Variants in ATG5 observed in about 807,000 individuals in gnomAD.
ATG5 encodes the protein autophagy protein 5.
ATG5 carries 14 observed loss-of-function variants against 36.5 expected under a neutral mutation model. The ratio of observed to expected loss-of-function variants is 0.38; its 90% CI spans 0.25 to 0.60. The LOEUF is 0.60. Ranked by LOEUF, ATG5 falls within the 20% of genes least tolerant of loss-of-function variation. ATG5 has a pLI of 0.60. For synonymous variants in ATG5, 95 were observed against 101.5 expected, an observed-to-expected ratio of 0.94 and a Z score of 0.38; for missense variants, 195 against 326.7, an observed-to-expected ratio of 0.60 and a Z score of 3.11.
chr6:106,252,029 C>T (rs749680966), intron 5 of ATG5, among the ~76,000 whole-genome samples: 1 of 151,942 alleles, frequency 6.6e-6, no homozygotes, highest in South Asian at 2.1e-4. Flanking sequence ...TTAGTAGAGA[C>T]GGGATTTCAC....
At chr6:106,189,858 AAAGCTAGCTTG>A (rs1775905875) in intron 7 of ATG5, among the ~76,000 whole-genome samples, 1 of 152,168 alleles carries the variant, frequency 6.6e-6, no homozygotes, top group Non-Finnish European at 1.5e-5. Context: ...GTTTTTAAAA[AAAGCTAGCTTG>A]AAGCTTTAAG....
intron 5 of ATG5, among the ~76,000 whole-genome samples, chr6:106,262,253 A>G (rs1188400985): frequency 1.3e-5 from 2 of 152,028 alleles, no homozygotes; most frequent in East Asian, 3.9e-4. Flanking sequence ...TTTAGTAGAG[A>G]TGGGGTTTCA....
chr6:106,225,412 C>A (rs995163822), intron 6 of ATG5, among the ~76,000 whole-genome samples: 1 of 150,670 alleles, frequency 6.6e-6, no homozygotes, highest in African/African-American at 2.5e-5. Flanking sequence ...TATTGCAATA[C>A]TCATGTTCTT....
chr6:106,230,948 G>C (rs1246596036), intron 6 of ATG5, among the ~76,000 whole-genome samples: 1 of 152,064 alleles, frequency 6.6e-6, no homozygotes, highest in Non-Finnish European at 1.5e-5. Context: ...TAAAAAGTGT[G>C]ATTTATGCCC....
At chr6:106,303,680 C>A (rs1328735734) in intron 3 of ATG5, among the ~76,000 whole-genome samples, 1 of 151,942 alleles carries the variant, frequency 6.6e-6, no homozygotes, top group African/African-American at 2.4e-5. Context: ...AAACTGAATC[C>A]AACAATGTAT....
At chr6:106,297,765 C>CACAT (rs752893372) in intron 3 of ATG5, among the ~76,000 whole-genome samples, 47 of 108,090 alleles carry the variant, frequency 4.3e-4, no homozygotes, top group African/African-American at 6.9e-4. Context: ...CACACACACA[C>CACAT]ATATATATTT....
intron 7 of ATG5, among the ~76,000 whole-genome samples, chr6:106,198,096 AAC>A (rs2114341038): frequency 6.7e-6 from 1 of 150,044 alleles, no homozygotes; most frequent in African/African-American, 2.5e-5. Context: ...ATCAAAAACA[AAC>A]ACCCTTATAA....
At position 106,186,558 on chromosome 6, in the gene ATG5, G is replaced by A. The variant is rs747155799; in HGVS notation, c.810C>T (p.Ile270=). 1 of 1,613,694 alleles carries A rather than the reference G, an allele frequency of 6.2e-7. No individual in the cohort carries two copies. Among genetic ancestry groups the A allele is most frequent in the Non-Finnish European group, 8.5e-7 (1 of 1,179,694 alleles). ...TGATCCTTCAATCTGTTGGCTGTGG[G>A]ATGATACTAATATGAAGAAAATTAT... ...YPDNFLHISI[I]PQPTD The change falls in exon 8 of 8, where the codon ATC becomes ATT. Residue 270 remains isoleucine (I), a synonymous_variant. Coordinates refer to ENST00000369076, the MANE Select transcript of ATG5 (RefSeq NM_004849.4).
chr6:106,256,670 G>T (rs955575926), intron 5 of ATG5, among the ~76,000 whole-genome samples: 2 of 152,032 alleles, frequency 1.3e-5, no homozygotes, highest in Non-Finnish European at 2.9e-5. Context: ...AACCTATATG[G>T]TATGTGCAAA....
intron 6 of ATG5, among the ~76,000 whole-genome samples, chr6:106,243,530 GA>G (rs1554218336): frequency 0.19 from 24,730 of 133,226 alleles, 2,400 homozygotes; most frequent in African/African-American, 0.29. Context: ...CCTCTCTGGG[GA>G]AAAAAAAAAA....
intron 7 of ATG5, among the ~76,000 whole-genome samples, chr6:106,186,956 G>T (rs990639955): frequency 7.2e-5 from 11 of 152,310 alleles, no homozygotes; most frequent in Non-Finnish European, 1.3e-4. Context: ...TGACGTTAAT[G>T]AAACTGTAGT....
At position 106,297,777 on chromosome 6, in the gene ATG5, A is replaced by G. The variant is rs928313884; in HGVS notation, c.237-4671T>C. Among the ~76,000 whole-genome samples the G allele has an allele frequency of 2.1e-4, 30 of 146,194 alleles. 1 individual carries two copies. Among genetic ancestry groups the G allele is most frequent in the African/African-American group, 7.1e-4 (28 of 39,438 alleles). ...ACACACACACACACATATATATTTT[A>G]AAGTTCATTGGGGCTGGGCATGGTG... On this transcript the variant is annotated intron_variant, in intron 3 of 7. Transcript: ENST00000369076.
Position 106,279,651 on chromosome 6 carries a change from T to C in ATG5, c.478+10A>G. On this transcript the variant is annotated intron_variant, in intron 5 of 7. Coordinates refer to ENST00000369076, the MANE Select transcript of ATG5 (RefSeq NM_004849.4). ...AGTGGTATTCTAAAATTAAACACTA[T>C]TATACTTACCATTTTGCAATCCCAT... is the stretch of plus-strand genomic sequence containing the variant. The C allele has an allele frequency of 1.3e-6, 2 of 1,565,464 alleles. No homozygotes were observed. The highest frequency in any genetic ancestry group is 1.7e-6 in the Non-Finnish European group (2 of 1,154,170).
chr6:106,244,763 G>T (rs1401541083), intron 6 of ATG5, among the ~76,000 whole-genome samples: 2 of 152,198 alleles, frequency 1.3e-5, no homozygotes, highest in Non-Finnish European at 2.9e-5. Context: ...ATAGCACAGG[G>T]CATGGCAGGC....
chr6:106,297,434 A>T (rs1217813991), intron 3 of ATG5, among the ~76,000 whole-genome samples: 2 of 152,128 alleles, frequency 1.3e-5, no homozygotes, highest in African/African-American at 4.8e-5. Flanking sequence ...TGAGCTGGCA[A>T]AGGGTTTATA....
At position 106,285,373 on chromosome 6, in the gene ATG5, A is replaced by G. The variant is rs116936070; in HGVS notation, c.316-5550T>C. Among the ~76,000 whole-genome samples the G allele has an allele frequency of 4.4e-3, 666 of 152,116 alleles. 4 individuals carry two copies. Among genetic ancestry groups the G allele is most frequent in the Non-Finnish European group, 7.6e-3 (514 of 67,994 alleles). On this transcript the variant is annotated intron_variant, in intron 4 of 7. Transcript: ENST00000369076. ...TGAGAGTAAAATTTTTTTTTATTTG[A>G]TATGGACCATATTTTCTTGCTTATT...
At chr6:106,242,172 G>T (rs1399842001) in intron 6 of ATG5, among the ~76,000 whole-genome samples, 1 of 151,890 alleles carries the variant, frequency 6.6e-6, no homozygotes, top group Admixed American at 6.6e-5. Flanking sequence ...AGAAGACAGG[G>T]TTTCACCATG....
chr6:106,190,451 C>T (rs1266320518), intron 7 of ATG5, among the ~76,000 whole-genome samples: 1 of 152,216 alleles, frequency 6.6e-6, no homozygotes, highest in East Asian at 1.9e-4. Flanking sequence ...AAGCTTCTAA[C>T]ATGTGAATTC....
rs549093416 is a variant in ATG5 at position 106,314,416 on chromosome 6, G to A, written c.108+1685C>T. Reference sequence around the variant, plus strand: ...TACTAAAAATCTAAAAATTAACCGAGCATGATGGCACATGCCTATAATCCT... The same window carrying A: ...TACTAAAAATCTAAAAATTAACCGAACATGATGGCACATGCCTATAATCCT... On this transcript the variant is annotated intron_variant, in intron 2 of 7. Transcript: ENST00000369076. 2.3e-3 allele frequency among the ~76,000 whole-genome samples: 351 copies of A among 152,172 alleles called. 2 individuals are homozygous for A. The highest frequency in any genetic ancestry group is 4.1e-3 in the Non-Finnish European group (280 of 67,996).
Sources: gnomAD v4.1 joint callset for allele counts (sites outside exome capture counted in the v4.1 genomes callset) on GRCh38, gnomAD v4.1.1 for gene constraint, MANE v1.5 for transcripts, NCBI Gene and HGNC (gene_info 2026-07-23, HGNC 2026-07-21) for gene names.